Variants in LAPTM5 observed in about 807,000 individuals in gnomAD.
The protein encoded by LAPTM5 is lysosomal-associated transmembrane protein 5.
Under a neutral mutation model 30.1 loss-of-function variants are expected in LAPTM5, and 11 were observed. The ratio of observed to expected loss-of-function variants is 0.37; its 90% confidence interval spans 0.23 to 0.60. LAPTM5 has a LOEUF of 0.60. LAPTM5 is among the 20% of genes least tolerant of loss of function. The pLI, the probability that LAPTM5 is intolerant of heterozygous loss-of-function variation, is 0.71. For synonymous variants in LAPTM5, 151 were observed against 137.9 expected, an observed-to-expected ratio of 1.10 and a Z score of -0.67; for missense variants, 324 against 332.5, an observed-to-expected ratio of 0.97 and a Z score of 0.20.
intron 1 of LAPTM5, among the ~76,000 whole-genome samples, chr1:30,757,239 G>A (rs935716910): frequency 5.9e-5 from 9 of 152,172 alleles, no homozygotes; most frequent in African/African-American, 1.9e-4. Flanking sequence ...GTCTGCGGCC[G>A]ACCTCACATC....
chr1:30,742,368 G>T, intron 2 of LAPTM5, 88 bp downstream of exon 2: 2 of 876,122 alleles, frequency 2.3e-6, no homozygotes, highest in Admixed American at 4.1e-5. Context: ...AGAGGTGGCA[G>T]TGCCTCCAAC....
intron 1 of LAPTM5, among the ~76,000 whole-genome samples, chr1:30,753,823 G>C (rs1640172111): frequency 6.6e-6 from 1 of 152,210 alleles, no homozygotes; most frequent in South Asian, 2.1e-4. Context: ...CACTAACGTT[G>C]AGACGTTAGC....
intron 1 of LAPTM5, among the ~76,000 whole-genome samples, chr1:30,748,783 C>CGCCTCCACCTCATCCCCTCCT (rs1640086612): frequency 6.6e-6 from 1 of 152,242 alleles, no homozygotes; most frequent in African/African-American, 2.4e-5. Flanking sequence ...CCTCACCCGC[C>CGCCTCCACCTCATCCCCTCCT]GCCTCCACCT....
chr1:30,744,108 T>C (rs913888917), intron 1 of LAPTM5, among the ~76,000 whole-genome samples: 9 of 152,152 alleles, frequency 5.9e-5, no homozygotes, highest in African/African-American at 2.2e-4. Context: ...TGCTTTTGGC[T>C]GGGGCAAGCT....
intron 5 of LAPTM5, among the ~76,000 whole-genome samples, chr1:30,738,285 A>G (rs1468445435): frequency 1.3e-5 from 2 of 152,354 alleles, no homozygotes; most frequent in East Asian, 1.9e-4. Context: ...CTTAAAAGAC[A>G]CTGCCTTTCC....
In LAPTM5 at chr1:30,746,825, G is replaced by A. The variant is rs531189457; in HGVS notation, c.88-4276C>T. ...GGGATAATCACTGACCTGCCTCACA[G>A]GATTGCTGAGGTCAAATGGAATCGT... is the stretch of plus-strand genomic sequence containing the variant. On this transcript the variant is annotated intron_variant, in intron 1 of 7. Transcript: ENST00000294507. This position sits in a 1 kb window ranked among gnomAD's most constrained non-coding sequence, Gnocchi z 4.0. 2.6e-5 allele frequency among the ~76,000 whole-genome samples: 4 copies of A among 152,338 alleles called. No individual in the cohort carries two copies. The South Asian group carries it at 8.3e-4, about 32-fold the overall frequency.
rs779751267 is a variant in LAPTM5, at chr1:30,733,794, C to T, written c.*34G>A. ...AAAGCAGATTATGAGGCAGCTCCAC[C>T]CCTCCCAGCACTGGGGCTGGGGCCT... On this transcript the variant is annotated 3_prime_UTR_variant, in exon 8 of 8. Coordinates refer to ENST00000294507, the MANE Select transcript of LAPTM5 (RefSeq NM_006762.3). The T allele has an allele frequency of 5.0e-6, 8 of 1,593,668 alleles. No individual in the cohort carries two copies. In the Admixed American group the frequency reaches 1.3e-4, roughly 25 times the overall value.
intron 1 of LAPTM5, among the ~76,000 whole-genome samples, chr1:30,745,555 G>A (rs968607358): frequency 6.6e-6 from 1 of 152,200 alleles, no homozygotes; most frequent in Admixed American, 6.5e-5. Flanking sequence ...CAACCCTGCG[G>A]CAGGGGACGA....
At chr1:30,734,194 T>C (rs1639855834) in intron 7 of LAPTM5, among the ~76,000 whole-genome samples, 1 of 152,208 alleles carries the variant, frequency 6.6e-6, no homozygotes, top group Admixed American at 6.5e-5. Context: ...TCAGTCCATA[T>C]ACCTTCAGAA....
chr1:30,744,734 C>A (rs1640019354), intron 1 of LAPTM5, among the ~76,000 whole-genome samples: 2 of 152,104 alleles, frequency 1.3e-5, no homozygotes, highest in Admixed American at 1.3e-4. Flanking sequence ...CAGTGCTGTT[C>A]TGATGCCTTC....
At chr1:30,751,846 T>A (rs888664969) in intron 1 of LAPTM5, among the ~76,000 whole-genome samples, 1 of 152,170 alleles carries the variant, frequency 6.6e-6, no homozygotes, top group Non-Finnish European at 1.5e-5. Flanking sequence ...AATGATCACT[T>A]TTGAGGCAGG....
intron 3 of LAPTM5, 130 bp from the exon 4 acceptor site, chr1:30,740,067 A>T: frequency 1.9e-6 from 2 of 1,027,390 alleles, no homozygotes; most frequent in Non-Finnish European, 2.6e-6. Flanking sequence ...AGTTGAGGTC[A>T]CCTCCCTCTG....
Position 30,737,691 on chromosome 1 carries a change from G to A in LAPTM5, c.519C>T (p.Leu173=). The A allele has an allele frequency of 6.2e-7, 1 of 1,612,208 alleles. No individual in the cohort carries two copies. The part of the protein sequence containing the change: ...NFKSMNHMNY[L]PSQEDMPHNQ... ...TATGAGGCATATCCTCCTGGCTGGG[G>A]AGGTAATTCTGCAACAGATTTGGGG... Residue 173 remains leucine (L), a synonymous_variant, in exon 6 of 8, where the codon CTC becomes CTT. Coordinates refer to ENST00000294507, the MANE Select transcript of LAPTM5 (RefSeq NM_006762.3).
intron 6 of LAPTM5, among the ~76,000 whole-genome samples, chr1:30,736,938 G>A (rs564192091): frequency 2.0e-5 from 3 of 152,158 alleles, no homozygotes; most frequent in Non-Finnish European, 4.4e-5. Flanking sequence ...TCCCCCTTGA[G>A]TCCTCTATTT....
rs1639971551 is a variant in LAPTM5, at chr1:30,741,628, C to T, written c.258+12G>A. ...GAAGGGGCAGGGGGCAGCGGGGCTCCTGAGCCCTCACCTTGACTACGCCGA... is the reference window on the plus strand; with the variant it reads ...GAAGGGGCAGGGGGCAGCGGGGCTCTTGAGCCCTCACCTTGACTACGCCGA... On this transcript the variant is annotated intron_variant, in intron 3 of 7. Transcript: ENST00000294507. The T allele has an allele frequency of 6.3e-7, 1 of 1,583,468 alleles. No individual in the cohort carries two copies.
chr1:30,738,847 C>G (rs1323701399), intron 5 of LAPTM5, 93 bp downstream of exon 5: 4 of 1,376,198 alleles, frequency 2.9e-6, no homozygotes, highest in Non-Finnish European at 3.9e-6. Flanking sequence ...CTCCAGGGAA[C>G]CTGGCCTAAA....
At chr1:30,742,589 C>T in intron 1 of LAPTM5, 40 bp from the exon 2 acceptor site, 1 of 1,539,902 alleles carries the variant, frequency 6.5e-7, no homozygotes, top group Non-Finnish European at 8.9e-7. Flanking sequence ...GAGCCTGCAT[C>T]ACGGCCCCCC....
In LAPTM5 at chr1:30,737,707, A is replaced by G; in HGVS notation, c.511-8T>C. 6.3e-7 allele frequency: 1 copy of G among 1,591,062 alleles called. No individual in the cohort carries two copies. Among genetic ancestry groups the G allele is most frequent in the Non-Finnish European group, 8.6e-7 (1 of 1,159,416 alleles). On this transcript the variant is annotated splice_region_variant and splice_polypyrimidine_tract_variant and intron_variant, in intron 5 of 7. Transcript: ENST00000294507. ...CTGGCTGGGGAGGTAATTCTGCAAC[A>G]GATTTGGGGGCCACATCAATGTCTC...
At chr1:30,745,614 G>A (rs1465874656) in intron 1 of LAPTM5, among the ~76,000 whole-genome samples, 1 of 152,238 alleles carries the variant, frequency 6.6e-6, no homozygotes, top group Non-Finnish European at 1.5e-5. Flanking sequence ...CTCATAGAGG[G>A]CAGGGGACCA....
Sources: gnomAD v4.1 joint callset for allele counts (sites outside exome capture counted in the v4.1 genomes callset) on GRCh38, gnomAD v4.1.1 for gene constraint, Gnocchi (gnomAD v3.1) non-coding constraint, MANE v1.5 for transcripts, NCBI Gene and HGNC (gene_info 2026-07-23, HGNC 2026-07-21) for gene names.